Variants in DRC7 observed in about 807,000 individuals in gnomAD.
DRC7 encodes coiled-coil domain containing 135.
Under a neutral mutation model 104.4 loss-of-function variants are expected in DRC7, and 80 were observed. That is an observed-to-expected ratio of 0.77 (90% CI 0.64 to 0.92). The LOEUF (loss-of-function observed/expected upper bound fraction) is 0.92, where lower values mean the gene tolerates loss of function less well. Ranked by LOEUF, DRC7 falls within the 40% of genes least tolerant of loss-of-function variation. The pLI, the probability that DRC7 is intolerant of heterozygous loss-of-function variation, is 0.00. For missense variants in DRC7, 1,034 were observed against 1,141.1 expected, an observed-to-expected ratio of 0.91 and a Z score of 1.35; for synonymous variants, 405 against 447.3, an observed-to-expected ratio of 0.91 and a Z score of 1.19.
At chr16:57,710,783 G>A (rs1328671110) in intron 8 of DRC7, among the ~76,000 whole-genome samples, 1 of 152,164 alleles carries the variant, frequency 6.6e-6, no homozygotes, top group African/African-American at 2.4e-5. Flanking sequence ...TACATGGTAA[G>A]TTACTTGGAT....
At chr16:57,698,227 G>A in intron 3 of DRC7, 75 bp downstream of exon 3, 4 of 1,599,368 alleles carry the variant, frequency 2.5e-6, no homozygotes, top group Non-Finnish European at 3.4e-6. Context: ...CAGAGTGCTG[G>A]TGCCTGGTCT....
chr16:57,726,855 G>A lies in DRC7; in HGVS notation c.1998G>A (p.Lys666=). ...AGGTGGAGCCCATGGAGCACACCAAGAAGCTGCTCTACCAGTACGAGGCCA... is the reference window on the plus strand; with the variant it reads ...AGGTGGAGCCCATGGAGCACACCAAAAAGCTGCTCTACCAGTACGAGGCCA... ...SFEVEPMEHT[K]KLLYQYEAMM... The change falls in exon 15 of 19, where the codon AAG becomes AAA. Residue 666 remains lysine, a synonymous_variant. Coordinates refer to ENST00000360716, the MANE Select transcript of DRC7 (RefSeq NM_001289162.2). The A allele has an allele frequency of 6.2e-7, 1 of 1,612,842 alleles. No homozygotes were observed. Among genetic ancestry groups the A allele is most frequent in the Non-Finnish European group, 8.5e-7 (1 of 1,179,536 alleles).
intron 6 of DRC7, among the ~76,000 whole-genome samples, chr16:57,703,074 T>C (rs1410688184): frequency 2.0e-5 from 3 of 151,830 alleles, no homozygotes; most frequent in Non-Finnish European, 4.4e-5. Context: ...TTATAGGTTC[T>C]CACTATGTTG....
intron 9 of DRC7, among the ~76,000 whole-genome samples, chr16:57,719,708 A>T (rs1271562776): frequency 6.6e-6 from 1 of 151,928 alleles, no homozygotes; most frequent in Non-Finnish European, 1.5e-5. Flanking sequence ...TGGTCTTGCT[A>T]TGTTACCTAG....
chr16:57,724,845 C>T lies in DRC7; in HGVS notation c.1758+10C>T, dbSNP rs763413822. On this transcript the variant is annotated intron_variant, in intron 13 of 18. Coordinates refer to ENST00000360716, the MANE Select transcript of DRC7 (RefSeq NM_001289162.2). ...CCCCCGGCCCATTGTGGTAAGAGCT[C>T]GCGGGGGCTGGGGACAGGTCGCCCT... is the stretch of plus-strand genomic sequence containing the variant. 1.2e-5 allele frequency: 19 copies of T among 1,605,826 alleles called. No homozygotes were observed. The East Asian group carries it at 1.8e-4, about 15-fold the overall frequency.
At chr16:57,699,421 G>C (rs1279330468) in intron 4 of DRC7, among the ~76,000 whole-genome samples, 1 of 152,164 alleles carries the variant, frequency 6.6e-6, no homozygotes, top group Non-Finnish European at 1.5e-5. Context: ...GTGGGTCCCT[G>C]TCAGCTCGTG....
chr16:57,697,545 A>G (rs11076199), intron 2 of DRC7, among the ~76,000 whole-genome samples: 86,679 of 151,742 alleles, frequency 0.57, 25,463 homozygotes, highest in African/African-American at 0.69. Context: ...TCCAAGCCTG[A>G]GTGACAGAGC....
Position 57,702,036 on chromosome 16 carries a change from A to G in DRC7, c.605A>G (p.Tyr202Cys), listed in dbSNP as rs571695768. ...TGCTCCATGCTTATCGGCTCTGGCT[A>G]TGATGCTTACTGCGTCAACGGCTAC... ...LLCSMLIGSG[Y>C]DAYCVNGYGS... Residue 202 changes from tyrosine (Y) to cysteine (C), a missense_variant, in exon 6 of 19, where the codon TAT becomes TGT. Physicochemically the swap from Tyr to Cys is radical, Grantham distance 194. Coordinates refer to ENST00000360716, the MANE Select transcript of DRC7 (RefSeq NM_001289162.2). 119 of 1,614,188 alleles carry G rather than the reference A, an allele frequency of 7.4e-5. 1 individual carries two copies. In the South Asian group the frequency reaches 1.0e-3, roughly 14 times the overall value.
In DRC7 at chr16:57,714,986, A is replaced by G. The variant is rs1048293350; in HGVS notation, c.1078-3361A>G. 28 of 302,964 alleles carry G rather than the reference A, an allele frequency of 9.2e-5. 1 individual carries two copies. The highest frequency in any genetic ancestry group is 7.1e-4 in the South Asian group (21 of 29,770). The allele number at this position is 302,964 out of a possible 1,614,324, so 18.8% of individuals were successfully genotyped here. A position where few individuals can be genotyped will look rare whatever the true frequency, so the allele number is the denominator to read the frequency against. ...TGTAGGGCAGGACAGTGACATTTCT[A>G]TAGTCCCAGATGCACCAAATTATGG... On this transcript the variant is annotated intron_variant, in intron 8 of 18. Coordinates refer to ENST00000360716, the MANE Select transcript of DRC7 (RefSeq NM_001289162.2).
chr16:57,697,863 C>T, intron 2 of DRC7, 50 bp from the exon 3 acceptor site: 1 of 1,534,428 alleles, frequency 6.5e-7, no homozygotes, highest in East Asian at 2.3e-5. Context: ...GTTGGTGGCT[C>T]CTGCCTGGGC....
intron 6 of DRC7, among the ~76,000 whole-genome samples, chr16:57,703,543 C>G (rs1405145975): frequency 2.6e-5 from 4 of 152,120 alleles, no homozygotes; most frequent in African/African-American, 9.7e-5. Flanking sequence ...CCCAGGGACC[C>G]CAGGGTGGGT....
At chr16:57,711,506 G>A (rs183726095) in intron 8 of DRC7, among the ~76,000 whole-genome samples, 4 of 152,254 alleles carry the variant, frequency 2.6e-5, no homozygotes, top group Non-Finnish European at 5.9e-5. Context: ...AAGTGGCAGC[G>A]TACGGCAGCA....
At chr16:57,730,047 C>CGGATGGAT (rs373900512) in intron 17 of DRC7, among the ~76,000 whole-genome samples, 1 of 89,908 alleles carries the variant, frequency 1.1e-5, no homozygotes, top group Admixed American at 1.5e-4. Flanking sequence ...GACGGATGGA[C>CGGATGGAT]GGATGGATGG....
Position 57,702,128 on chromosome 16 carries a change from G to T in DRC7, c.697G>T (p.Glu233Ter). ...GTGCCCACTCACTGTGAAGCCCAAG[G>T]AGGTATGGTCGGGCTTGAGCTGCCC... ...EVCPLTVKPK[E>*]TIKKEEKVLP... The change falls in exon 6 of 19, where the codon GAG becomes TAG. Residue 233 changes from glutamate (E) to a stop codon, truncating the protein, a stop_gained and splice_region_variant. Transcript: ENST00000360716. LOFTEE classifies it high-confidence loss of function. The T allele has an allele frequency of 6.2e-7, 1 of 1,614,014 alleles. No individual in the cohort carries two copies. The highest frequency in any genetic ancestry group is 8.5e-7 in the Non-Finnish European group (1 of 1,179,994).
At chr16:57,702,630 C>A (rs2048672310) in intron 6 of DRC7, among the ~76,000 whole-genome samples, 1 of 152,080 alleles carries the variant, frequency 6.6e-6, no homozygotes, top group Admixed American at 6.6e-5. Flanking sequence ...GAAACCCTGT[C>A]TCTATCAAAA....
chr16:57,729,122 G>T (rs1033229681), intron 17 of DRC7, among the ~76,000 whole-genome samples: 2 of 139,296 alleles, frequency 1.4e-5, no homozygotes, highest in African/African-American at 5.7e-5. Flanking sequence ...GGATGAGTGG[G>T]TGGGTAGATG....
Position 57,728,421 on chromosome 16 carries a change from A to G in DRC7, c.2228A>G (p.Gln743Arg). ...ERMMHEEHLR[Q>R]VETQLDYLAP... ...ATGATGCACGAAGAGCACCTGCGGCAGGTGGAGACCCAGCTGGACTACCTG... is the reference window on the plus strand; with the variant it reads ...ATGATGCACGAAGAGCACCTGCGGCGGGTGGAGACCCAGCTGGACTACCTG... The change falls in exon 17 of 19, where the codon CAG (glutamine) becomes CGG (arginine). Residue 743 changes from glutamine (Q) to arginine (R), a missense_variant. Gln to Arg is a conservative substitution (Grantham distance 43, BLOSUM62 1). Transcript: ENST00000360716. The G allele has an allele frequency of 1.2e-6, 2 of 1,607,150 alleles. No homozygotes were observed. The highest frequency in any genetic ancestry group is 1.7e-6 in the Non-Finnish European group (2 of 1,176,996).
In DRC7 at chr16:57,728,379, C is replaced by A; in HGVS notation, c.2197-11C>A. The stretch of plus-strand genomic sequence containing the variant: ...CCTGCTGATCCAGCTATCTGCCCCT[C>A]ACCTTTACAGGAGCGCATGATGCAC... On this transcript the variant is annotated splice_polypyrimidine_tract_variant and intron_variant, in intron 16 of 18. Transcript: ENST00000360716. 6.4e-7 allele frequency: 1 copy of A among 1,569,304 alleles called. No individual in the cohort carries two copies. Among genetic ancestry groups the A allele is most frequent in the Non-Finnish European group, 8.7e-7 (1 of 1,154,132 alleles).
At chr16:57,707,390 G>A (rs2048742826) in intron 7 of DRC7, 70 bp from the exon 8 acceptor site, 2 of 1,425,054 alleles carry the variant, frequency 1.4e-6, no homozygotes, top group Non-Finnish European at 1.9e-6. Flanking sequence ...CCAGCCCCAG[G>A]GAGATGTCTG....
Sources: gnomAD v4.1 joint callset for allele counts (sites outside exome capture counted in the v4.1 genomes callset) on GRCh38, gnomAD v4.1.1 for gene constraint, MANE v1.5 for transcripts, NCBI Gene and HGNC (gene_info 2026-07-23, HGNC 2026-07-21) for gene names.